The following MYOCD variants were observed in gnomAD, a reference collection of about 807,000 sequenced individuals.
The protein encoded by MYOCD is myocardin.
MYOCD carries 32 observed loss-of-function variants against 96.1 expected under a neutral mutation model. The observed-to-expected ratio is 0.33, with a 90% CI of 0.25 to 0.45. The LOEUF (loss-of-function observed/expected upper bound fraction) is 0.45, where lower values mean the gene tolerates loss of function less well. MYOCD is among the 20% of genes least tolerant of loss of function. MYOCD has a pLI of 1.00. For missense variants in MYOCD, 1,133 were observed against 1,200.6 expected, an observed-to-expected ratio of 0.94 and a Z score of 0.83; for synonymous variants, 469 against 469.0, an observed-to-expected ratio of 1.00 and a Z score of 0.00.
chr17:12,714,092 GGCAATTCT>G (rs2031562475), intron 2 of MYOCD, among the ~76,000 whole-genome samples: 2 of 152,002 alleles, frequency 1.3e-5, no homozygotes, highest in Non-Finnish European at 2.9e-5. Context: ...AGCCAGATGG[GGCAATTCT>G]GCATGTTCCT....
rs573326901 is a variant in MYOCD, at chr17:12,750,825, C to G, written c.1126-1589C>G. 2.6e-5 allele frequency among the ~76,000 whole-genome samples: 4 copies of G among 152,274 alleles called. No individual in the cohort carries two copies. The East Asian group carries it at 7.7e-4, about 29-fold the overall frequency. On this transcript the variant is annotated intron_variant, in intron 9 of 13. Transcript: ENST00000425538. ...TGGATTACTAATGATGATATACATACATTACTGTCCATATTTTAAATTTTA... is the reference window on the plus strand; with the variant it reads ...TGGATTACTAATGATGATATACATAGATTACTGTCCATATTTTAAATTTTA...
At chr17:12,756,271 G>T in intron 10 of MYOCD, 143 bp from the exon 11 acceptor site, 1 of 952,706 alleles carries the variant, frequency 1.0e-6, no homozygotes, top group Non-Finnish European at 1.6e-6. Context: ...CCAGATTTTA[G>T]GCAAGTTCAT....
intron 6 of MYOCD, among the ~76,000 whole-genome samples, chr17:12,737,729 A>G (rs2032387556): frequency 6.6e-6 from 1 of 152,204 alleles, no homozygotes; most frequent in Non-Finnish European, 1.5e-5. Context: ...CCCACTGAAA[A>G]GTACCATACA....
intron 2 of MYOCD, among the ~76,000 whole-genome samples, chr17:12,707,109 C>G (rs1318925601): frequency 6.6e-6 from 1 of 152,196 alleles, no homozygotes; most frequent in African/African-American, 2.4e-5. Flanking sequence ...GGATGCATCT[C>G]TTCACCTGCT....
At chr17:12,757,261 A>G (rs2033038961) in intron 11 of MYOCD, among the ~76,000 whole-genome samples, 1 of 152,330 alleles carries the variant, frequency 6.6e-6, no homozygotes. Flanking sequence ...AAGAGGTGGC[A>G]GAAAGGAGAC....
At chr17:12,680,284 T>C (rs1382937911) in intron 1 of MYOCD, among the ~76,000 whole-genome samples, 1 of 152,224 alleles carries the variant, frequency 6.6e-6, no homozygotes. Context: ...CGTATGGTAA[T>C]TTATTAGGGA....
rs3050319 is a variant in MYOCD at position 12,734,504 on chromosome 17, C to CTTTTTTTTTTTTT, written c.416-1645_416-1633dup. ...CTGGCCCTCAGTAATACACATGATC[C>CTTTTTTTTTTTTT]TTTTTTTTTTTTTTTTTTTTTTTTG... is the stretch of plus-strand genomic sequence containing the variant. On this transcript the variant is annotated intron_variant, in intron 5 of 13. Coordinates refer to ENST00000425538, the MANE Select transcript of MYOCD (RefSeq NM_001146312.3). Among the ~76,000 whole-genome samples, 2 of 65,470 alleles carry CTTTTTTTTTTTTT rather than the reference C, an allele frequency of 3.1e-5. 1 individual carries two copies. Among genetic ancestry groups the CTTTTTTTTTTTTT allele is most frequent in the African/African-American group, 1.3e-4 (2 of 15,572 alleles). The allele number at this position is 65,470 out of a possible 152,430, so 43.0% of individuals were successfully genotyped here. A position where few individuals can be genotyped will look rare whatever the true frequency, so the allele number is the denominator to read the frequency against.
At chr17:12,715,757 T>C (rs928412487) in intron 3 of MYOCD, among the ~76,000 whole-genome samples, 183 bp downstream of exon 3, 1 of 152,192 alleles carries the variant, frequency 6.6e-6, no homozygotes, top group African/African-American at 2.4e-5. Flanking sequence ...GGATCAACTA[T>C]ATTAGCTTTG....
intron 7 of MYOCD, among the ~76,000 whole-genome samples, chr17:12,742,997 C>T (rs1463599641): frequency 6.6e-6 from 1 of 152,034 alleles, no homozygotes; most frequent in African/African-American, 2.4e-5. Context: ...GTTATTATTT[C>T]AATATTATCT....
intron 3 of MYOCD, 63 bp from the exon 4 acceptor site, chr17:12,717,283 G>A (rs1025683321): frequency 2.6e-6 from 3 of 1,161,074 alleles, no homozygotes. Context: ...ATTTTCTCCT[G>A]TGAGATAAAT....
chr17:12,714,360 C>CACACACACACACACACACACACAA, intron 2 of MYOCD, among the ~76,000 whole-genome samples: 1 of 151,464 alleles, frequency 6.6e-6, no homozygotes, highest in Non-Finnish European at 1.5e-5. Context: ...CACACACACA[C>CACACACACACACACACACACACAA]ACCCCGATCT....
intron 2 of MYOCD, among the ~76,000 whole-genome samples, chr17:12,710,251 G>A (rs529555373): frequency 2.6e-5 from 4 of 152,138 alleles, no homozygotes; most frequent in Non-Finnish European, 5.9e-5. Context: ...TAACCCAGGG[G>A]AGAGATGAAA....
intron 6 of MYOCD, among the ~76,000 whole-genome samples, chr17:12,737,832 A>C (rs879437199): frequency 7.2e-5 from 11 of 152,186 alleles, no homozygotes; most frequent in Non-Finnish European, 1.6e-4. Flanking sequence ...TCTTCACCCC[A>C]TCAGAGCAAA....
chr17:12,695,528 G>A (rs781136758), intron 1 of MYOCD, among the ~76,000 whole-genome samples: 7 of 152,272 alleles, frequency 4.6e-5, no homozygotes, highest in Non-Finnish European at 8.8e-5. Context: ...AGCTCATATT[G>A]TTTTTGCTTC....
intron 1 of MYOCD, among the ~76,000 whole-genome samples, chr17:12,678,477 T>G (rs1260981598): frequency 6.6e-6 from 1 of 152,074 alleles, no homozygotes; most frequent in Non-Finnish European, 1.5e-5. Context: ...GGCTCATGGC[T>G]GAGCCCAGAT....
chr17:12,694,200 G>A (rs1047595932), intron 1 of MYOCD, among the ~76,000 whole-genome samples: 1 of 152,166 alleles, frequency 6.6e-6, no homozygotes, highest in African/African-American at 2.4e-5. Flanking sequence ...GACACAAATG[G>A]GCGCAGCAAG....
At chr17:12,736,879 C>T (rs938604910) in intron 6 of MYOCD, among the ~76,000 whole-genome samples, 5 of 152,202 alleles carry the variant, frequency 3.3e-5, no homozygotes, top group Admixed American at 2.6e-4. Context: ...ATAACATTCA[C>T]CTCTTTCTGT....
At chr17:12,723,494 A>G (rs2031908315) in intron 5 of MYOCD, among the ~76,000 whole-genome samples, 1 of 152,232 alleles carries the variant, frequency 6.6e-6, no homozygotes, top group Admixed American at 6.5e-5. Flanking sequence ...AGTGAAATTC[A>G]TGGTAAACAG....
At chr17:12,752,293 T>TA in intron 9 of MYOCD, 121 bp from the exon 10 acceptor site, 1 of 815,018 alleles carries the variant, frequency 1.2e-6, no homozygotes, top group Non-Finnish European at 1.9e-6. Context: ...GAAAGAAGTA[T>TA]AAAAAAGAGG....
Sources: gnomAD v4.1 joint callset for allele counts (sites outside exome capture counted in the v4.1 genomes callset) on GRCh38, gnomAD v4.1.1 for gene constraint, MANE v1.5 for transcripts, NCBI Gene and HGNC (gene_info 2026-07-23, HGNC 2026-07-21) for gene names.